Variants in LMTK2 observed in about 807,000 individuals in gnomAD.
The protein encoded by LMTK2 is serine/threonine-protein kinase LMTK2.
A neutral mutation model predicts 127.5 loss-of-function variants in LMTK2; 37 were observed. The observed-to-expected ratio is 0.29, with a 90% CI of 0.22 to 0.38. LMTK2 has a LOEUF of 0.38. Among genes scored for constraint, LMTK2 ranks in the 10% least tolerant of loss-of-function variants. The probability of loss-of-function intolerance (pLI) is 1.00; values close to 1 mark genes in which losing one functional copy is unlikely to be tolerated. For synonymous variants in LMTK2, 819 were observed against 810.1 expected, an observed-to-expected ratio of 1.01 and a Z score of -0.19; for missense variants, 1,694 against 1,920.3, an observed-to-expected ratio of 0.88 and a Z score of 2.20.
chr7:98,165,847 C>T (rs1023761197), intron 6 of LMTK2, among the ~76,000 whole-genome samples: 11 of 152,090 alleles, frequency 7.2e-5, no homozygotes, highest in Admixed American at 2.0e-4. Flanking sequence ...CACAGAGTCA[C>T]GGTGGAACAG....
At chr7:98,134,098 C>T (rs1023429427) in intron 1 of LMTK2, among the ~76,000 whole-genome samples, 3 of 152,178 alleles carry the variant, frequency 2.0e-5, no homozygotes, top group Non-Finnish European at 2.9e-5. Flanking sequence ...AGCTTGCACC[C>T]AGCACACCTA....
At chr7:98,119,656 G>T (rs1796335512) in intron 1 of LMTK2, among the ~76,000 whole-genome samples, 2 of 152,180 alleles carry the variant, frequency 1.3e-5, no homozygotes, top group South Asian at 4.1e-4. Context: ...GAGAATCTTG[G>T]TGCCAGTCCT....
chr7:98,170,533 CTT>C (rs202096792), intron 6 of LMTK2, among the ~76,000 whole-genome samples: 2 of 142,592 alleles, frequency 1.4e-5, no homozygotes, highest in Non-Finnish European at 3.1e-5. Flanking sequence ...CCTCAGGAGT[CTT>C]TTTTTTTTTT....
At chr7:98,130,730 C>G (rs1271299865) in intron 1 of LMTK2, among the ~76,000 whole-genome samples, 2 of 152,154 alleles carry the variant, frequency 1.3e-5, no homozygotes, top group Non-Finnish European at 2.9e-5. Context: ...CTGCCAGAAG[C>G]AAGGAGAGGC....
chr7:98,150,365 G>A (rs888565982), intron 3 of LMTK2, among the ~76,000 whole-genome samples: 1 of 151,834 alleles, frequency 6.6e-6, no homozygotes, highest in Non-Finnish European at 1.5e-5. Flanking sequence ...CCTTTAGAAT[G>A]GCTAAGATGA....
At chr7:98,134,050 A>G (rs1034976986) in intron 1 of LMTK2, among the ~76,000 whole-genome samples, 5 of 152,246 alleles carry the variant, frequency 3.3e-5, no homozygotes. Flanking sequence ...GGTTAACCAC[A>G]TAGAGGCAGA....
At chr7:98,142,347 C>T (rs958749770) in intron 3 of LMTK2, among the ~76,000 whole-genome samples, 2 of 151,912 alleles carry the variant, frequency 1.3e-5, no homozygotes, top group East Asian at 1.9e-4. Context: ...CCAGATGGAA[C>T]GTGACATAGT....
intron 1 of LMTK2, among the ~76,000 whole-genome samples, chr7:98,126,383 C>T (rs375985668): frequency 2.4e-4 from 37 of 152,206 alleles, no homozygotes; most frequent in African/African-American, 7.7e-4. Flanking sequence ...CTCTGAGTCT[C>T]TCCTTCTGGG....
chr7:98,181,182 G>A (rs917179472), intron 7 of LMTK2, among the ~76,000 whole-genome samples: 10 of 152,182 alleles, frequency 6.6e-5, no homozygotes, highest in Non-Finnish European at 1.2e-4. Context: ...TGCAAACCAA[G>A]ACTTGTGTTT....
At chr7:98,118,936 C>A (rs1796323827) in intron 1 of LMTK2, among the ~76,000 whole-genome samples, 1 of 151,902 alleles carries the variant, frequency 6.6e-6, no homozygotes, top group African/African-American at 2.4e-5. Flanking sequence ...ACTAAAAATA[C>A]AAAAAATTAG....
chr7:98,182,627 G>C (rs148541029), intron 7 of LMTK2, among the ~76,000 whole-genome samples: 1 of 152,324 alleles, frequency 6.6e-6, no homozygotes, highest in African/African-American at 2.4e-5. Context: ...CTTGTGCTCT[G>C]TTGGTGGGAA....
chr7:98,152,086 T>C (rs1378254226), intron 4 of LMTK2, among the ~76,000 whole-genome samples: 1 of 152,218 alleles, frequency 6.6e-6, no homozygotes. Context: ...CTTCTCAGGT[T>C]AGATTGTTTT....
intron 1 of LMTK2, among the ~76,000 whole-genome samples, chr7:98,123,870 T>C (rs1562897278): frequency 6.6e-6 from 1 of 152,204 alleles, no homozygotes; most frequent in Non-Finnish European, 1.5e-5. Flanking sequence ...GTTGATCTTT[T>C]TGTCTGTGTT....
intron 6 of LMTK2, among the ~76,000 whole-genome samples, chr7:98,166,258 T>G (rs1482877554): frequency 6.6e-6 from 1 of 152,234 alleles, no homozygotes; most frequent in Non-Finnish European, 1.5e-5. Flanking sequence ...AGGTCATCGC[T>G]GCTTATAACC....
chr7:98,147,893 C>G (rs1291381164), intron 3 of LMTK2, among the ~76,000 whole-genome samples: 1 of 152,190 alleles, frequency 6.6e-6, no homozygotes, highest in Admixed American at 6.5e-5. Flanking sequence ...CTTTAGCTCT[C>G]TGAACATATT....
At position 98,153,640 on chromosome 7, in the gene LMTK2, G is replaced by A. The variant is rs1386535445; in HGVS notation, c.451-1118G>A. On this transcript the variant is annotated intron_variant, in intron 4 of 13. Coordinates refer to ENST00000297293, the MANE Select transcript of LMTK2 (RefSeq NM_014916.4). ...TAATTCCAGTGCTTTGGGAGGCCCA[G>A]GTGGGAAGGATCACTTGAGGCGAGG... Among the ~76,000 whole-genome samples, 10 of 152,306 alleles carry A rather than the reference G, an allele frequency of 6.6e-5. No homozygotes were observed. In the East Asian group the frequency reaches 1.5e-3, roughly 24 times the overall value.
intron 7 of LMTK2, among the ~76,000 whole-genome samples, chr7:98,183,586 C>T (rs1797385708): frequency 6.6e-6 from 1 of 152,050 alleles, no homozygotes; most frequent in African/African-American, 2.4e-5. Flanking sequence ...GATGGGATTT[C>T]ACCATGTTGG....
rs772302546 is a variant in LMTK2, at chr7:98,141,540, A to G, written c.375A>G (p.Val125=). ...CTCCCTCGCAATTCCAGCCTTCTGT[A>G]GGTAAGACCATACAGCCTAATGCCA... ...LPAPSQFQPS[V]EGLKSQVARH... is the part of the protein sequence containing the mutation. The change falls in exon 3 of 14, where the codon GTA becomes GTG. Residue 125 remains valine (V), a splice_region_variant and synonymous_variant. Transcript: ENST00000297293. The G allele has an allele frequency of 1.2e-6, 2 of 1,613,860 alleles. No individual in the cohort carries two copies. Among genetic ancestry groups the G allele is most frequent in the Admixed American group, 1.7e-5 (1 of 60,018 alleles).
chr7:98,169,161 A>G (rs1482858895), intron 6 of LMTK2, among the ~76,000 whole-genome samples: 1 of 152,202 alleles, frequency 6.6e-6, no homozygotes, highest in Non-Finnish European at 1.5e-5. Context: ...ATCCTACACA[A>G]TCCATGACAA....
Sources: gnomAD v4.1 joint callset for allele counts (sites outside exome capture counted in the v4.1 genomes callset) on GRCh38, gnomAD v4.1.1 for gene constraint, MANE v1.5 for transcripts, NCBI Gene and HGNC (gene_info 2026-07-23, HGNC 2026-07-21) for gene names.